LOC128125817: variants seen among roughly 807,000 people sequenced by gnomAD.
At chr1:41,605,375 G>GCGCGCACA in the LOC128125817 span, among the ~76,000 whole-genome samples, 1 of 126,624 alleles carries the variant, frequency 7.9e-6, no homozygotes, top group Non-Finnish European at 1.6e-5. Context: ...ACGCACACGC[G>GCGCGCACA]CACACACACA....
At chr1:41,623,700 C>T in the LOC128125817 span, among the ~76,000 whole-genome samples, 1 of 152,174 alleles carries the variant, frequency 6.6e-6, no homozygotes, top group Non-Finnish European at 1.5e-5. Context: ...ATGTGCAATC[C>T]CAGCCACCAC....
chr1:41,588,260 T>TA, the LOC128125817 span, among the ~76,000 whole-genome samples: 1 of 152,170 alleles, frequency 6.6e-6, no homozygotes, highest in Admixed American at 6.5e-5. Flanking sequence ...CTATACTTAC[T>TA]ATTCTTATTG....
the LOC128125817 span, among the ~76,000 whole-genome samples, chr1:41,592,289 C>G: frequency 6.6e-6 from 1 of 152,200 alleles, no homozygotes; most frequent in Non-Finnish European, 1.5e-5. Flanking sequence ...CTAGGTAAGG[C>G]ACTTTCCTCT....
the LOC128125817 span, among the ~76,000 whole-genome samples, chr1:41,608,776 C>A: frequency 4.6e-5 from 7 of 152,068 alleles, no homozygotes; most frequent in African/African-American, 1.4e-4. Context: ...GTCATCCTTT[C>A]AAAAATGGCT....
chr1:41,611,686 G>A, the LOC128125817 span, among the ~76,000 whole-genome samples: 47 of 152,348 alleles, frequency 3.1e-4, no homozygotes, highest in African/African-American at 1.1e-3. Context: ...GGGAAAACTC[G>A]AATGTTGTTC....
the LOC128125817 span, among the ~76,000 whole-genome samples, chr1:41,586,332 G>GACTCCAT: frequency 6.6e-6 from 1 of 152,168 alleles, no homozygotes; most frequent in African/African-American, 2.4e-5. Context: ...AGTCACCATG[G>GACTCCAT]ACTCCATCTC....
the LOC128125817 span, among the ~76,000 whole-genome samples, chr1:41,605,108 TA>T: frequency 0.53 from 44,807 of 83,862 alleles, 10,061 homozygotes; most frequent in Non-Finnish European, 0.57. Flanking sequence ...CTGTCTCCAA[TA>T]AAAAAAAAAA....
chr1:41,621,132 C>T, the LOC128125817 span, among the ~76,000 whole-genome samples: 26 of 152,338 alleles, frequency 1.7e-4, no homozygotes, highest in Middle Eastern at 3.4e-3. Flanking sequence ...AGGCATCACC[C>T]GGCTTCCTAC....
the LOC128125817 span, among the ~76,000 whole-genome samples, chr1:41,601,046 T>C: frequency 6.6e-6 from 1 of 152,210 alleles, no homozygotes; most frequent in African/African-American, 2.4e-5. Context: ...TTGGCACCCG[T>C]GTTGAAGATC....
the LOC128125817 span, among the ~76,000 whole-genome samples, chr1:41,617,229 C>T: frequency 1.6e-5 from 2 of 121,486 alleles, no homozygotes; most frequent in South Asian, 2.7e-4. Flanking sequence ...CCTTTATACA[C>T]ATATCTTTAC....
chr1:41,609,007 C>T, the LOC128125817 span, among the ~76,000 whole-genome samples: 2 of 151,680 alleles, frequency 1.3e-5, no homozygotes, highest in South Asian at 4.2e-4. Flanking sequence ...TCCCTTGAAC[C>T]TAGGAGGTGG....
At chr1:41,621,430 C>A in the LOC128125817 span, among the ~76,000 whole-genome samples, 1 of 152,266 alleles carries the variant, frequency 6.6e-6, no homozygotes, top group Non-Finnish European at 1.5e-5. Flanking sequence ...CTCTGTCTCC[C>A]AAGGGAGGGC....
At chr1:41,615,578 C>T in the LOC128125817 span, among the ~76,000 whole-genome samples, 1 of 152,200 alleles carries the variant, frequency 6.6e-6, no homozygotes, top group Admixed American at 6.5e-5. Context: ...GGCCGGTGGA[C>T]ATTTAGATGT....
chr1:41,618,675 C>T, the LOC128125817 span, among the ~76,000 whole-genome samples: 1 of 151,714 alleles, frequency 6.6e-6, no homozygotes, highest in Non-Finnish European at 1.5e-5. Context: ...ACCCCAGGCC[C>T]CAGTGACCTG....
chr1:41,611,468 G>A, the LOC128125817 span, among the ~76,000 whole-genome samples: 2 of 152,184 alleles, frequency 1.3e-5, no homozygotes, highest in African/African-American at 2.4e-5. Flanking sequence ...TCCTCAGAAC[G>A]AGCCTATCAG....
chr1:41,614,594 T>A, the LOC128125817 span, among the ~76,000 whole-genome samples: 1 of 152,226 alleles, frequency 6.6e-6, no homozygotes, highest in Non-Finnish European at 1.5e-5. Context: ...TTTTTGCAAT[T>A]TTAACTTGAT....
chr1:41,607,152 C>G, the LOC128125817 span, among the ~76,000 whole-genome samples: 7 of 152,176 alleles, frequency 4.6e-5, no homozygotes, highest in Middle Eastern at 3.4e-3. Context: ...GAGGAAATTT[C>G]TTTGGCTATA....
At chr1:41,600,222 A>G in the LOC128125817 span, among the ~76,000 whole-genome samples, 1 of 152,214 alleles carries the variant, frequency 6.6e-6, no homozygotes, top group African/African-American at 2.4e-5. Context: ...CTGGGTATAT[A>G]CTCAAAAGAA....
At chr1:41,623,545 G>C in the LOC128125817 span, among the ~76,000 whole-genome samples, 5 of 152,186 alleles carry the variant, frequency 3.3e-5, no homozygotes, top group African/African-American at 1.2e-4. Flanking sequence ...ATCCCCTTGA[G>C]GCTTCTCTAG....
Sources: allele counts gnomAD v4.1 joint callset (sites outside exome capture counted in the v4.1 genomes callset), GRCh38; gene constraint gnomAD v4.1.1; transcripts MANE v1.5.